DISC1: variants seen among roughly 807,000 people sequenced by gnomAD.
DISC1 encodes the protein disrupted in schizophrenia 1 protein.
In DISC1, 57 loss-of-function variants were observed where a neutral mutation model predicts 84.5. That is an observed-to-expected ratio of 0.67 (90% CI 0.55 to 0.84). The LOEUF (loss-of-function observed/expected upper bound fraction) is 0.84, where lower values mean the gene tolerates loss of function less well. Ranked by LOEUF, DISC1 falls within the 40% of genes least tolerant of loss-of-function variation. DISC1 has a pLI of 0.00. For missense variants in DISC1, 1,000 were observed against 1,057.8 expected (o/e 0.95, Z 0.76); for synonymous variants, 411 against 415.2 (o/e 0.99, Z 0.12).
chr1:231,700,066 A>C (rs2066216241), intron 2 of DISC1, among the ~76,000 whole-genome samples: 1 of 152,170 alleles, frequency 6.6e-6, no homozygotes, highest in Admixed American at 6.5e-5. Flanking sequence ...CACCATCTCA[A>C]GGAGATCAGA....
Position 231,770,958 on chromosome 1 carries a change from G to GTGGGCCAGCTGTCCC in DISC1, c.1527_1541dup (p.Ser512_Leu516dup), listed in dbSNP as rs2076510664. On this transcript the variant is annotated inframe_insertion, in exon 6 of 13. Transcript: ENST00000439617. ...GCAGGGCTGCGACCTGACCCCACTG[G>GTGGGCCAGCTGTCCC]TGGGCCAGCTGTCCCTGGGTCAGCT... The GTGGGCCAGCTGTCCC allele has an allele frequency of 6.2e-7, 1 of 1,613,910 alleles. No individual in the cohort carries two copies. Among genetic ancestry groups the GTGGGCCAGCTGTCCC allele is most frequent in the Non-Finnish European group, 8.5e-7 (1 of 1,179,990 alleles).
chr1:231,931,821 A>C (rs2090678327), intron 9 of DISC1, among the ~76,000 whole-genome samples: 1 of 151,894 alleles, frequency 6.6e-6, no homozygotes, highest in South Asian at 2.1e-4. Flanking sequence ...ATAATTAAAA[A>C]AAATTTTTTT....
intron 9 of DISC1, among the ~76,000 whole-genome samples, chr1:231,949,638 C>T (rs2126154687): frequency 6.6e-6 from 1 of 152,244 alleles, no homozygotes; most frequent in East Asian, 1.9e-4. Flanking sequence ...GATCTGGCTG[C>T]CTTACGGGGG....
intron 9 of DISC1, among the ~76,000 whole-genome samples, chr1:231,936,983 T>C (rs1254640460): frequency 6.6e-6 from 1 of 152,338 alleles, no homozygotes; most frequent in African/African-American, 2.4e-5. Context: ...ATTTATAACA[T>C]GTCCCTGTGA....
At chr1:231,757,547 G>A (rs947037824) in intron 4 of DISC1, among the ~76,000 whole-genome samples, 2 of 152,152 alleles carry the variant, frequency 1.3e-5, no homozygotes, top group East Asian at 1.9e-4. Flanking sequence ...AGCCAAGAGA[G>A]CTTTAACTAT....
intron 1 of DISC1, among the ~76,000 whole-genome samples, chr1:231,669,036 C>G (rs1572685534): frequency 6.6e-6 from 1 of 152,114 alleles, no homozygotes; most frequent in Non-Finnish European, 1.5e-5. Context: ...ATCAGTTTTT[C>G]TTTTGAGGAA....
Position 231,688,007 on chromosome 1 carries a change from C to T in DISC1, c.68-5819C>T, listed in dbSNP as rs952897917. ...CATAGGGAAAATTCAATGGAAGCCTCAGGAAATGGTAGGGGAGGTCAATTC... is the reference window on the plus strand; with the variant it reads ...CATAGGGAAAATTCAATGGAAGCCTTAGGAAATGGTAGGGGAGGTCAATTC... On this transcript the variant is annotated intron_variant, in intron 1 of 12. Transcript: ENST00000439617. Among the ~76,000 whole-genome samples, 8 of 152,034 alleles carry T rather than the reference C, an allele frequency of 5.3e-5. No individual in the cohort carries two copies. In the South Asian group the frequency reaches 1.2e-3, roughly 24 times the overall value.
chr1:231,681,198 T>G (rs560023223), intron 1 of DISC1, among the ~76,000 whole-genome samples: 13 of 152,362 alleles, frequency 8.5e-5, no homozygotes, highest in African/African-American at 3.1e-4. Flanking sequence ...GGAGAGGGGC[T>G]GCTTGATGCA....
intron 8 of DISC1, among the ~76,000 whole-genome samples, chr1:231,809,660 T>C (rs185121886): frequency 3.3e-5 from 5 of 152,220 alleles, no homozygotes; most frequent in Admixed American, 3.3e-4. Context: ...TCCTAACTGA[T>C]GCTTTTGGGG....
chr1:231,905,826 T>G (rs2088590155), intron 9 of DISC1, among the ~76,000 whole-genome samples: 1 of 152,048 alleles, frequency 6.6e-6, no homozygotes, highest in South Asian at 2.1e-4. Context: ...GATTTCCTGA[T>G]TTTGATGGTT....
chr1:231,709,298 G>A (rs2067494988), intron 3 of DISC1, among the ~76,000 whole-genome samples: 1 of 152,094 alleles, frequency 6.6e-6, no homozygotes, highest in Non-Finnish European at 1.5e-5. Flanking sequence ...GTGCACAGAT[G>A]CGAAAGCTTA....
chr1:231,977,968 A>T (rs995235118), intron 10 of DISC1, among the ~76,000 whole-genome samples: 1 of 152,200 alleles, frequency 6.6e-6, no homozygotes, highest in Admixed American at 6.5e-5. Flanking sequence ...TTAATCTGTC[A>T]GTTCCCTTTC....
intron 9 of DISC1, among the ~76,000 whole-genome samples, chr1:231,953,970 G>A (rs1369286693): frequency 6.6e-6 from 1 of 152,168 alleles, no homozygotes; most frequent in Non-Finnish European, 1.5e-5. Context: ...GTCAAATACT[G>A]CTGTCCCCTT....
chr1:231,963,595 CCT>C (rs1660691169), intron 10 of DISC1, among the ~76,000 whole-genome samples: 2 of 152,104 alleles, frequency 1.3e-5, no homozygotes, highest in Admixed American at 1.3e-4. Flanking sequence ...TGCAACCTTC[CCT>C]GACTAACCAA....
chr1:231,670,673 T>G (rs2062527626), intron 1 of DISC1: 1 of 152,218 alleles, frequency 6.6e-6, no homozygotes, highest in Non-Finnish European at 1.5e-5. Flanking sequence ...ATCTTGTGAC[T>G]TTTACGAAAG....
chr1:231,706,695 A>C (rs1283969035), intron 3 of DISC1, among the ~76,000 whole-genome samples: 1 of 152,256 alleles, frequency 6.6e-6, no homozygotes, highest in Non-Finnish European at 1.5e-5. Flanking sequence ...CCATTATGAC[A>C]GAACTCTAGT....
At chr1:231,948,652 G>A (rs548212697) in intron 9 of DISC1, among the ~76,000 whole-genome samples, 3 of 151,586 alleles carry the variant, frequency 2.0e-5, no homozygotes, top group East Asian at 1.9e-4. Context: ...GGAAATTCCC[G>A]TGTTCTGGGT....
At chr1:231,990,253 G>A (rs1665023233) in intron 10 of DISC1, among the ~76,000 whole-genome samples, 3 of 152,034 alleles carry the variant, frequency 2.0e-5, no homozygotes, top group Non-Finnish European at 4.4e-5. Context: ...TCTCAGAGAA[G>A]GCCTGACACC....
chr1:231,759,459 C>T (rs767533093), intron 4 of DISC1, among the ~76,000 whole-genome samples: 16 of 123,860 alleles, frequency 1.3e-4, no homozygotes, highest in South Asian at 2.6e-4. Flanking sequence ...GAGGCTGAGG[C>T]AGGAGGATTG....
Sources: allele counts gnomAD v4.1 joint callset (sites outside exome capture counted in the v4.1 genomes callset), GRCh38; gene constraint gnomAD v4.1.1; transcripts MANE v1.5; gene names NCBI Gene and HGNC (gene_info 2026-07-23, HGNC 2026-07-21).